The following TNFRSF9 variants were observed in gnomAD, a reference collection of about 807,000 sequenced individuals.
The protein encoded by TNFRSF9 is tumor necrosis factor receptor superfamily member 9.
In TNFRSF9, 16 loss-of-function variants were observed where a neutral mutation model predicts 28.8. That is an observed-to-expected ratio of 0.55 (90% CI 0.38 to 0.84). The LOEUF (loss-of-function observed/expected upper bound fraction) is 0.84. Ranked by LOEUF, TNFRSF9 falls within the 40% of genes least tolerant of loss-of-function variation. The pLI is 0.00. For missense variants in TNFRSF9, 303 were observed against 315.0 expected (o/e 0.96, Z 0.29); for synonymous variants, 131 against 117.0 (o/e 1.12, Z -0.77).
intron 7 of TNFRSF9, among the ~76,000 whole-genome samples, chr1:7,928,163 G>T (rs1639681690): frequency 6.6e-6 from 1 of 152,142 alleles, no homozygotes. Flanking sequence ...AATGCAAAAT[G>T]CAAGCAAGGA....
At chr1:7,934,185 G>A (rs1291940860) in intron 6 of TNFRSF9, among the ~76,000 whole-genome samples, 1 of 152,060 alleles carries the variant, frequency 6.6e-6, no homozygotes, top group Non-Finnish European at 1.5e-5. Context: ...AGAGCAGCCT[G>A]AGCAACATAG....
chr1:7,921,314 T>A (rs1413882202), intron 7 of TNFRSF9, among the ~76,000 whole-genome samples: 2 of 149,926 alleles, frequency 1.3e-5, no homozygotes, highest in Non-Finnish European at 2.9e-5. Context: ...CCAGCCTGGG[T>A]GACAACAGCG....
intron 7 of TNFRSF9, among the ~76,000 whole-genome samples, chr1:7,930,688 G>A (rs1038348553): frequency 1.4e-4 from 22 of 152,100 alleles, no homozygotes; most frequent in Admixed American, 2.6e-4. Flanking sequence ...AGGATTGCTC[G>A]AGCTCTGGAG....
intron 1 of TNFRSF9, among the ~76,000 whole-genome samples, 186 bp from the exon 2 acceptor site, chr1:7,940,264 C>T (rs977657607): frequency 6.6e-6 from 1 of 152,182 alleles, no homozygotes; most frequent in Non-Finnish European, 1.5e-5. Context: ...CGTGATTAAA[C>T]ACACAGCTTT....
Position 7,938,275 on chromosome 1 carries a change from G to A in TNFRSF9, c.264C>T (p.Cys88=), listed in dbSNP as rs1305340316. Residue 88 remains cysteine (C), a synonymous_variant, in exon 4 of 8, where the codon TGC becomes TGT. Coordinates refer to ENST00000377507, the MANE Select transcript of TNFRSF9 (RefSeq NM_001561.6). The part of the protein sequence containing the change: ...CSSTSNAECD[C]TPGFHCLGAG... The stretch of plus-strand genomic sequence containing the variant: ...CCCCCAGGCAGTGAAACCCTGGAGT[G>A]CAGTCACACTCTGCATTGCTGGTGG... The A allele has an allele frequency of 1.9e-6, 3 of 1,609,240 alleles. No homozygotes were observed. The highest frequency in any genetic ancestry group is 2.7e-5 in the African/African-American group (2 of 74,746).
chr1:7,939,198 T>C (rs975379301), intron 2 of TNFRSF9, among the ~76,000 whole-genome samples: 9 of 151,686 alleles, frequency 5.9e-5, no homozygotes, highest in African/African-American at 2.2e-4. Context: ...TGCACACCTG[T>C]AATCCCAGCT....
chr1:7,933,398 C>G (rs1293313441), intron 6 of TNFRSF9, 102 bp from the exon 7 acceptor site: 1 of 1,406,044 alleles, frequency 7.1e-7, no homozygotes, highest in Non-Finnish European at 9.6e-7. Context: ...TGAGAAGAAT[C>G]ACAGCCTTGG....
intron 7 of TNFRSF9, among the ~76,000 whole-genome samples, chr1:7,931,578 G>A (rs1283369660): frequency 6.6e-6 from 1 of 152,208 alleles, no homozygotes. Flanking sequence ...TTATTAGGTA[G>A]CAAAACTACA....
Position 7,920,802 on chromosome 1 carries a change from A to G in TNFRSF9, c.*33T>C. On this transcript the variant is annotated 3_prime_UTR_variant, in exon 8 of 8. Coordinates refer to ENST00000377507, the MANE Select transcript of TNFRSF9 (RefSeq NM_001561.6). ...GACTCATATTTCCTTGCTTCTTTTCAAGAAAGTCCCAACAGCCCTATTGAC... is the reference window on the plus strand; with the variant it reads ...GACTCATATTTCCTTGCTTCTTTTCGAGAAAGTCCCAACAGCCCTATTGAC... The G allele has an allele frequency of 2.6e-6, 4 of 1,554,460 alleles. No homozygotes were observed. The highest frequency in any genetic ancestry group is 3.5e-6 in the Non-Finnish European group (4 of 1,126,934).
chr1:7,922,417 A>G (rs1467894066), intron 7 of TNFRSF9, among the ~76,000 whole-genome samples: 1 of 152,206 alleles, frequency 6.6e-6, no homozygotes, highest in Non-Finnish European at 1.5e-5. Context: ...AGACCCAAGA[A>G]ACAACATGGC....
intron 6 of TNFRSF9, among the ~76,000 whole-genome samples, chr1:7,934,252 C>T (rs999189819): frequency 6.6e-6 from 1 of 151,732 alleles, no homozygotes; most frequent in Non-Finnish European, 1.5e-5. Context: ...TGGTGAGTGC[C>T]TATAGTCCCA....
intron 7 of TNFRSF9, among the ~76,000 whole-genome samples, chr1:7,932,800 T>C (rs1420264158): frequency 6.6e-6 from 1 of 152,060 alleles, no homozygotes. Flanking sequence ...AAATCTGTCA[T>C]TTTTCTAGAA....
chr1:7,930,496 A>T (rs1257284183), intron 7 of TNFRSF9, among the ~76,000 whole-genome samples: 2 of 152,206 alleles, frequency 1.3e-5, no homozygotes, highest in Non-Finnish European at 1.5e-5. Context: ...CCTTTAAATC[A>T]GGATTAAGTC....
chr1:7,934,244 G>A (rs968570023), intron 6 of TNFRSF9, among the ~76,000 whole-genome samples: 1 of 151,960 alleles, frequency 6.6e-6, no homozygotes, highest in African/African-American at 2.4e-5. Flanking sequence ...AGGTGTAGTG[G>A]TGAGTGCCTA....
chr1:7,920,838 C>T lies in TNFRSF9; in HGVS notation c.765G>A (p.Leu255=). The change falls in exon 8 of 8, where the codon CTG becomes CTA. Residue 255 remains leucine (L), a synonymous_variant. Transcript: ENST00000377507. ...AACAGCCCTATTGACTTCCATTTCACAGTTCACATCCTCCTTCTTCTTCTT... is the reference window on the plus strand; with the variant it reads ...AACAGCCCTATTGACTTCCATTTCATAGTTCACATCCTCCTTCTTCTTCTT... The part of the protein sequence containing the change: ...FPEEEEGGCE[L] 6.2e-7 allele frequency: 1 copy of T among 1,613,280 alleles called. No individual in the cohort carries two copies. Among genetic ancestry groups the T allele is most frequent in the Non-Finnish European group, 8.5e-7 (1 of 1,179,338 alleles).
Position 7,919,684 on chromosome 1 carries a change from C to A in TNFRSF9, c.*1151G>T, listed in dbSNP as rs1639529354. ...TGTGCCTGTGAATAGCCACTCCATT[C>A]CAGCCTGGGCAACAGAGCAAGACTG... On this transcript the variant is annotated 3_prime_UTR_variant, in exon 8 of 8. Transcript: ENST00000377507. 1 of 152,172 alleles carries A rather than the reference C, an allele frequency of 6.6e-6. No homozygotes were observed. Among genetic ancestry groups the A allele is most frequent in the South Asian group, 2.1e-4 (1 of 4,822 alleles). The allele number at this position is 152,172 out of a possible 1,614,324, so 9.4% of individuals were successfully genotyped here.
chr1:7,938,148 G>C (rs781459481), intron 4 of TNFRSF9, 45 bp downstream of exon 4: 1 of 1,490,582 alleles, frequency 6.7e-7, no homozygotes, highest in East Asian at 2.5e-5. Flanking sequence ...AGCTAAGTTT[G>C]TCTATGTCAC....
intron 7 of TNFRSF9, among the ~76,000 whole-genome samples, chr1:7,929,165 T>C (rs549777610): frequency 0.034 from 4,636 of 134,876 alleles, 146 homozygotes; most frequent in African/African-American, 0.05. Flanking sequence ...TTCCTTTTTT[T>C]TTTTTTTTTT....
chr1:7,926,192 C>T (rs1027982395), intron 7 of TNFRSF9, among the ~76,000 whole-genome samples: 5 of 152,264 alleles, frequency 3.3e-5, no homozygotes, highest in Non-Finnish European at 7.3e-5. Flanking sequence ...TGAGCCACTG[C>T]GCCTGGCAAA....
Sources: allele counts gnomAD v4.1 joint callset (sites outside exome capture counted in the v4.1 genomes callset), GRCh38; gene constraint gnomAD v4.1.1; transcripts MANE v1.5; gene names NCBI Gene and HGNC (gene_info 2026-07-23, HGNC 2026-07-21).